The following JPH1 variants were observed in gnomAD, a reference collection of about 807,000 sequenced individuals.
The protein encoded by JPH1 is junctophilin-1.
A neutral mutation model predicts 53.6 loss-of-function variants in JPH1; 12 were observed. The observed-to-expected ratio is 0.22, with a 90% CI of 0.14 to 0.36. JPH1 has a LOEUF of 0.36. JPH1 is among the 10% of genes least tolerant of loss of function. JPH1 has a pLI of 1.00. For missense variants in JPH1, 808 were observed against 905.5 expected (o/e 0.89, Z 1.38); for synonymous variants, 375 against 363.8 (o/e 1.03, Z -0.35).
intron 3 of JPH1, among the ~76,000 whole-genome samples, chr8:74,251,580 C>A (rs1256327086): frequency 8.5e-5 from 13 of 152,208 alleles, no homozygotes; most frequent in African/African-American, 2.2e-4. Flanking sequence ...GAAAGCCATC[C>A]CACATGGCTT....
intron 2 of JPH1, among the ~76,000 whole-genome samples, chr8:74,284,695 T>C (rs375151021): frequency 6.6e-4 from 100 of 152,016 alleles, no homozygotes; most frequent in Non-Finnish European, 1.2e-3. Context: ...TTCTAGTTCT[T>C]AAGGCTTTTT....
intron 4 of JPH1, among the ~76,000 whole-genome samples, chr8:74,240,587 A>G (rs1805667305): frequency 6.6e-6 from 1 of 152,212 alleles, no homozygotes; most frequent in African/African-American, 2.4e-5. Context: ...TTCCACCTGT[A>G]CTACTACACA....
chr8:74,312,695 C>T lies in JPH1; in HGVS notation c.1139+2166G>A, dbSNP rs73689724. Among the ~76,000 whole-genome samples, 870 of 152,274 alleles carry T rather than the reference C, an allele frequency of 5.7e-3. 9 individuals carry two copies. Among genetic ancestry groups the T allele is most frequent in the African/African-American group, 0.02 (832 of 41,554 alleles). ...CTCCATTTTCCCCACCCTACAGTCC[C>T]TGGCGACCACCATTTTACTCTATGT... is the stretch of plus-strand genomic sequence containing the variant. On this transcript the variant is annotated intron_variant, in intron 2 of 5. Transcript: ENST00000342232.
chr8:74,248,777 C>T (rs1805943524), intron 3 of JPH1, among the ~76,000 whole-genome samples: 1 of 152,216 alleles, frequency 6.6e-6, no homozygotes. Flanking sequence ...ACATGTTGTG[C>T]CTGCTACTTG....
chr8:74,260,204 G>A (rs918631621), intron 2 of JPH1, among the ~76,000 whole-genome samples: 1 of 152,186 alleles, frequency 6.6e-6, no homozygotes, highest in African/African-American at 2.4e-5. Flanking sequence ...GAACCAAAAA[G>A]GAGACAGCGA....
At chr8:74,275,460 T>G (rs1563407224) in intron 2 of JPH1, among the ~76,000 whole-genome samples, 1 of 152,234 alleles carries the variant, frequency 6.6e-6, no homozygotes, top group African/African-American at 2.4e-5. Context: ...ATAAACAAGA[T>G]GTCATCTTCT....
chr8:74,310,814 C>A (rs527740112), intron 2 of JPH1, among the ~76,000 whole-genome samples: 8 of 152,198 alleles, frequency 5.3e-5, no homozygotes, highest in Admixed American at 2.0e-4. Flanking sequence ...GATGATGGTA[C>A]AAGGGTGCGT....
chr8:74,319,195 C>G (rs902878112), intron 1 of JPH1, among the ~76,000 whole-genome samples: 1 of 152,100 alleles, frequency 6.6e-6, no homozygotes, highest in Admixed American at 6.5e-5. Flanking sequence ...AATGAATACT[C>G]TAAACCAAGA....
Position 74,245,057 on chromosome 8 carries a change from G to A in JPH1, c.1377C>T (p.Gly459=). 1 of 1,613,886 alleles carries A rather than the reference G, an allele frequency of 6.2e-7. No individual in the cohort carries two copies. Among genetic ancestry groups the A allele is most frequent in the Non-Finnish European group, 8.5e-7 (1 of 1,179,996 alleles). The part of the protein sequence containing the change: ...PKESPHFYRK[G]TTPPRSPEAS... ...CCTCAGGAGATCTTGGGGGTGTCGT[G>A]CCTTTGCGATAAAAATGAGGAGACT... is the stretch of plus-strand genomic sequence containing the variant. Residue 459 remains glycine, a synonymous_variant, in exon 4 of 6, where the codon GGC becomes GGT. Coordinates refer to ENST00000342232, the MANE Select transcript of JPH1 (RefSeq NM_020647.4).
intron 2 of JPH1, among the ~76,000 whole-genome samples, chr8:74,274,511 G>A (rs188837962): frequency 3.3e-4 from 51 of 152,244 alleles, no homozygotes; most frequent in African/African-American, 1.1e-3. Context: ...GACGTTCTAA[G>A]AACATTTGGT....
chr8:74,256,827 T>G (rs996590484), intron 3 of JPH1, among the ~76,000 whole-genome samples: 6 of 152,210 alleles, frequency 3.9e-5, no homozygotes, highest in African/African-American at 7.2e-5. Flanking sequence ...CTGAAAATAC[T>G]GCCAGCTCCT....
intron 2 of JPH1, among the ~76,000 whole-genome samples, chr8:74,313,178 G>T (rs1339179880): frequency 6.6e-6 from 1 of 152,206 alleles, no homozygotes; most frequent in Non-Finnish European, 1.5e-5. Context: ...GTTGTAACAA[G>T]AAAACATGGA....
rs778719135 is a variant in JPH1, at chr8:74,244,803, C to T, written c.1631G>A (p.Gly544Glu). 103 of 1,614,022 alleles carry T rather than the reference C, an allele frequency of 6.4e-5. No individual in the cohort carries two copies. Among genetic ancestry groups the T allele is most frequent in the Non-Finnish European group, 8.4e-5 (99 of 1,180,038 alleles). Residue 544 changes from glycine to glutamate, a missense_variant, in exon 4 of 6, where the codon GGG (glycine) becomes GAG (glutamate). Physicochemically the swap from Gly to Glu is moderately conservative, Grantham distance 98. Around this residue, in one of 2 missense-constraint regions of JPH1, gnomAD observed 756 missense variants for 811.9 expected, o/e 0.93. Transcript: ENST00000342232. ...GRHHIPNPSN[G>E]ELHSQYHGYY... is the part of the protein sequence containing the mutation. ...GCCGTGATACTGAGAATGCAGCTCCCCGTTACTGGGGTTGGGGATGTGGTG... is the reference window on the plus strand; with the variant it reads ...GCCGTGATACTGAGAATGCAGCTCCTCGTTACTGGGGTTGGGGATGTGGTG...
At chr8:74,282,800 G>A (rs573050131) in intron 2 of JPH1, among the ~76,000 whole-genome samples, 1 of 152,312 alleles carries the variant, frequency 6.6e-6, no homozygotes, top group East Asian at 1.9e-4. Flanking sequence ...ATAGCTACAA[G>A]AGGGGACCGG....
intron 2 of JPH1, among the ~76,000 whole-genome samples, chr8:74,273,516 A>G (rs1586750561): frequency 6.6e-6 from 1 of 152,224 alleles, no homozygotes; most frequent in East Asian, 1.9e-4. Flanking sequence ...TATTAGATAC[A>G]ACTCTTATAC....
At chr8:74,278,286 CT>C (rs1806908225) in intron 2 of JPH1, among the ~76,000 whole-genome samples, 1 of 152,194 alleles carries the variant, frequency 6.6e-6, no homozygotes, top group African/African-American at 2.4e-5. Flanking sequence ...ACATGACTTG[CT>C]TTTCCTTGCC....
At chr8:74,302,059 C>T (rs1807698126) in intron 2 of JPH1, among the ~76,000 whole-genome samples, 1 of 152,206 alleles carries the variant, frequency 6.6e-6, no homozygotes, top group African/African-American at 2.4e-5. Flanking sequence ...CACAGGGTTG[C>T]CATGGGGATG....
intron 1 of JPH1, among the ~76,000 whole-genome samples, chr8:74,317,868 A>C (rs1187218563): frequency 6.6e-6 from 1 of 152,182 alleles, no homozygotes; most frequent in Non-Finnish European, 1.5e-5. Flanking sequence ...TTTCCAAAAA[A>C]GTATGGCTTG....
intron 2 of JPH1, among the ~76,000 whole-genome samples, chr8:74,277,644 A>G (rs1383469422): frequency 6.6e-6 from 1 of 152,210 alleles, no homozygotes; most frequent in Non-Finnish European, 1.5e-5. Context: ...TAAGTTACTT[A>G]GCCTCACTGT....
Sources: allele counts gnomAD v4.1 joint callset (sites outside exome capture counted in the v4.1 genomes callset), GRCh38; gene constraint gnomAD v4.1.1; regional missense constraint gnomAD v4.1.1; transcripts MANE v1.5; gene names NCBI Gene and HGNC (gene_info 2026-07-23, HGNC 2026-07-21).